CACNA1G: variants seen among roughly 807,000 people sequenced by gnomAD.
CACNA1G encodes calcium voltage-gated channel subunit alpha1 G, also known as voltage-dependent T-type calcium channel subunit alpha-1G.
In CACNA1G, 67 loss-of-function variants were observed where a neutral mutation model predicts 219.4. That is an observed-to-expected ratio of 0.31 (90% CI 0.25 to 0.37). CACNA1G has a LOEUF of 0.37. CACNA1G is among the 10% of genes least tolerant of loss of function. The pLI is 1.00. For missense variants in CACNA1G, 2,380 were observed against 3,231.4 expected (o/e 0.74, Z 6.39); for synonymous variants, 1,296 against 1,345.3 (o/e 0.96, Z 0.80).
intron 19 of CACNA1G, 40 bp from the exon 20 acceptor site, chr17:50,602,780 G>T: frequency 6.3e-7 from 1 of 1,599,834 alleles, no homozygotes; most frequent in Non-Finnish European, 8.6e-7. Flanking sequence ...CAAGGGTGGG[G>T]GCTTCCTGGC....
chr17:50,625,038 C>T (rs967102610), intron 37 of CACNA1G, among the ~76,000 whole-genome samples: 2 of 150,984 alleles, frequency 1.3e-5, no homozygotes, highest in Non-Finnish European at 2.9e-5. Flanking sequence ...CCGCAACCTC[C>T]GCCTCCTGGG....
chr17:50,626,512 G>A lies in CACNA1G; in HGVS notation c.6895G>A (p.Gly2299Arg), dbSNP rs777620226. The change falls in exon 38 of 38, where the codon GGG becomes AGG. Residue 2299 changes from glycine to arginine, a missense_variant. Transcript: ENST00000359106. This position sits in a 1 kb window ranked among gnomAD's most constrained non-coding sequence, Gnocchi z 4.3. ...TGGGGGCCAGCCTCTTGGGGGGCCT[G>A]GGAGCCGGCCCAAGAAAAAACTCAG... ...NLGGQPLGGP[G>R]SRPKKKLSPP... 3 of 1,576,440 alleles carry A rather than the reference G, an allele frequency of 1.9e-6. No homozygotes were observed. In the South Asian group the frequency reaches 3.5e-5, roughly 18 times the overall value.
rs1404914789 is a variant in CACNA1G, at chr17:50,620,911, G to C, written c.5926-749G>C. ...CACGATGGGAAGGTGATGGGGTTCTGGGAGGGACGGTCCAACTGTCCCCTA... is the reference window on the plus strand; with the variant it reads ...CACGATGGGAAGGTGATGGGGTTCTCGGAGGGACGGTCCAACTGTCCCCTA... On this transcript the variant is annotated intron_variant, in intron 34 of 37. Transcript: ENST00000359106. 3.3e-5 allele frequency among the ~76,000 whole-genome samples: 5 copies of C among 152,206 alleles called. No homozygotes were observed. In the East Asian group the frequency reaches 9.6e-4, roughly 29 times the overall value.
At chr17:50,593,075 C>A (rs1598391299) in intron 13 of CACNA1G, among the ~76,000 whole-genome samples, 2 of 152,202 alleles carry the variant, frequency 1.3e-5, no homozygotes, top group East Asian at 1.9e-4. Context: ...TCCGTTATCG[C>A]ATTTCCTCCC....
intron 9 of CACNA1G, among the ~76,000 whole-genome samples, chr17:50,587,295 C>T (rs1361803482): frequency 3.3e-5 from 5 of 152,144 alleles, no homozygotes; most frequent in African/African-American, 7.2e-5. Context: ...GTTTCCCAGA[C>T]TATCTAGGAG....
chr17:50,591,064 C>T (rs373150249), intron 10 of CACNA1G, among the ~76,000 whole-genome samples: 1 of 152,012 alleles, frequency 6.6e-6, no homozygotes, highest in Non-Finnish European at 1.5e-5. Context: ...GAAAGTGCTC[C>T]GTCCCCGCAA....
intron 27 of CACNA1G, 112 bp from the exon 28 acceptor site, chr17:50,616,163 C>G: frequency 1.6e-6 from 1 of 642,550 alleles, no homozygotes; most frequent in African/African-American, 1.8e-5. Flanking sequence ...GAAGACAGGG[C>G]TCCTTGGAGT....
In CACNA1G at chr17:50,627,257, G is replaced by A. The variant is rs775636783; in HGVS notation, c.*506G>A. 2.6e-5 allele frequency: 12 copies of A among 453,804 alleles called. No individual in the cohort carries two copies. The highest frequency in any genetic ancestry group is 6.2e-5 in the South Asian group (4 of 64,440). 28.1% of individuals were successfully genotyped at this position (453,804 alleles called of 1,614,324 possible). On this transcript the variant is annotated 3_prime_UTR_variant, in exon 38 of 38. Transcript: ENST00000359106. The stretch of plus-strand genomic sequence containing the variant: ...ACCGCGAGCACATTGCAGCCCCAAC[G>A]GTGGCCCATCTTCAGCGGAGAGCGA...
intron 7 of CACNA1G, among the ~76,000 whole-genome samples, chr17:50,574,784 A>G (rs1437510134): frequency 1.3e-5 from 2 of 152,078 alleles, no homozygotes; most frequent in Non-Finnish European, 2.9e-5. Context: ...CATTTCCTTC[A>G]TTTGGGATTG....
intron 36 of CACNA1G, 62 bp downstream of exon 36, chr17:50,624,137 A>G: frequency 5.8e-6 from 9 of 1,563,834 alleles, no homozygotes; most frequent in Non-Finnish European, 7.9e-6. Context: ...GGCCTAAGCC[A>G]GTCCTGATCT....
At chr17:50,604,133 C>T (rs371847401) in intron 21 of CACNA1G, 22 bp from the exon 22 acceptor site, 3 of 1,606,806 alleles carry the variant, frequency 1.9e-6, no homozygotes, top group Non-Finnish European at 1.7e-6. Context: ...AGCCTTATCA[C>T]CTCCCTCCCT....
chr17:50,621,739 A>G lies in CACNA1G; in HGVS notation c.6005A>G (p.Asp2002Gly). ...CCGTCCTGCTCTCTAGCTCTGACGG[A>G]TGACTCTTTGCCTGATGACATGCAC... is the stretch of plus-strand genomic sequence containing the variant. ...SEPSCSLALT[D>G]DSLPDDMHTL... Residue 2002 changes from aspartate (D) to glycine (G), a missense_variant, in exon 35 of 38, where the codon GAT becomes GGT. This residue lies in a region of CACNA1G where 672 missense variants were observed against 670.5 expected (regional missense o/e 1.00). Coordinates refer to ENST00000359106, the MANE Select transcript of CACNA1G (RefSeq NM_018896.5). The surrounding 1 kb of genome is among the most constrained non-coding windows in gnomAD (Gnocchi z 4.6). 1 of 1,613,954 alleles carries G rather than the reference A, an allele frequency of 6.2e-7. No homozygotes were observed. Among genetic ancestry groups the G allele is most frequent in the Non-Finnish European group, 8.5e-7 (1 of 1,179,862 alleles).
chr17:50,623,630 A>T (rs2052792703), intron 35 of CACNA1G, among the ~76,000 whole-genome samples: 1 of 151,784 alleles, frequency 6.6e-6, no homozygotes, highest in African/African-American at 2.4e-5. Flanking sequence ...AGGTGATACA[A>T]TGTGTGCAGT....
chr17:50,607,013 C>T (rs752383990), intron 24 of CACNA1G, 24 bp downstream of exon 24: 1 of 1,568,876 alleles, frequency 6.4e-7, no homozygotes, highest in Non-Finnish European at 8.8e-7. Flanking sequence ...GGGCAGGATC[C>T]ATCTGTGGGC....
intron 4 of CACNA1G, among the ~76,000 whole-genome samples, chr17:50,570,555 C>CTGTGTGTGTGTGTG (rs1567968090): frequency 2.7e-5 from 1 of 37,028 alleles, no homozygotes; most frequent in Non-Finnish European, 5.5e-5. Context: ...GCCCCCTGCG[C>CTGTGTGTGTGTGTG]TCTGTGTGTG....
chr17:50,562,711 TCA>T (rs1228440154), intron 1 of CACNA1G, among the ~76,000 whole-genome samples: 1 of 152,138 alleles, frequency 6.6e-6, no homozygotes, highest in East Asian at 1.9e-4. Context: ...AGTAATACTG[TCA>T]GTGTGTTCAC....
intron 26 of CACNA1G, among the ~76,000 whole-genome samples, chr17:50,611,272 G>T (rs900158445): frequency 7.4e-6 from 1 of 135,244 alleles, no homozygotes; most frequent in African/African-American, 2.7e-5. Context: ...AAAAAAAAAA[G>T]AGAGAGAGAG....
rs935847447 is a variant in CACNA1G at position 50,626,383 on chromosome 17, C to A, written c.6766C>A (p.Arg2256Ser). Reference sequence around the variant, plus strand: ...CAGCGTGGAGGCCCAGAGCTGCCAGCGCCGGCCTACGTCCTGGCTGGATGA... The same window carrying A: ...CAGCGTGGAGGCCCAGAGCTGCCAGAGCCGGCCTACGTCCTGGCTGGATGA... ...CYSVEAQSCQ[R>S]RPTSWLDEQR... The change falls in exon 38 of 38, where the codon CGC (arginine) becomes AGC (serine). Residue 2256 changes from arginine (R) to serine (S), a missense_variant. Arg to Ser is a moderately radical substitution (Grantham distance 110). This residue lies in a region of CACNA1G where 672 missense variants were observed against 670.5 expected (regional missense o/e 1.00). Coordinates refer to ENST00000359106, the MANE Select transcript of CACNA1G (RefSeq NM_018896.5). This position sits in a 1 kb window ranked among gnomAD's most constrained non-coding sequence, Gnocchi z 4.3. 1 of 1,611,650 alleles carries A rather than the reference C, an allele frequency of 6.2e-7. No homozygotes were observed. Among genetic ancestry groups the A allele is most frequent in the Non-Finnish European group, 8.5e-7 (1 of 1,179,076 alleles).
In CACNA1G at chr17:50,621,888, C is replaced by T; in HGVS notation, c.6060+94C>T. ...GGCCCAGGGAGGGTCCTGGGGCCGC[C>T]TCCTCTCAGTTTGCTGCCAGGCTCC... is the stretch of plus-strand genomic sequence containing the variant. On this transcript the variant is annotated intron_variant, in intron 35 of 37. Transcript: ENST00000359106. This position sits in a 1 kb window ranked among gnomAD's most constrained non-coding sequence, Gnocchi z 4.6. The T allele has an allele frequency of 7.2e-7, 1 of 1,393,362 alleles. No individual in the cohort carries two copies. The highest frequency in any genetic ancestry group is 9.9e-7 in the Non-Finnish European group (1 of 1,006,420). 86.3% of individuals were successfully genotyped at this position (1,393,362 alleles called of 1,614,324 possible).
Sources: gnomAD v4.1 joint callset for allele counts (sites outside exome capture counted in the v4.1 genomes callset) on GRCh38, gnomAD v4.1.1 for gene constraint, gnomAD v4.1.1 regional missense constraint, Gnocchi (gnomAD v3.1) non-coding constraint, MANE v1.5 for transcripts, NCBI Gene and HGNC (gene_info 2026-07-23, HGNC 2026-07-21) for gene names.